The following XPNPEP1 variants were observed in gnomAD, a reference collection of about 807,000 sequenced individuals.
The protein encoded by XPNPEP1 is xaa-Pro aminopeptidase 1.
Under a neutral mutation model 92.4 loss-of-function variants are expected in XPNPEP1, and 39 were observed. That is an observed-to-expected ratio of 0.42 (90% CI 0.33 to 0.55). The LOEUF (loss-of-function observed/expected upper bound fraction) is 0.55. Ranked by LOEUF, XPNPEP1 falls within the 20% of genes least tolerant of loss-of-function variation. XPNPEP1 has a pLI of 0.08. For synonymous variants in XPNPEP1, 307 were observed against 299.4 expected (o/e 1.03, Z -0.26); for missense variants, 654 against 856.1 (o/e 0.76, Z 2.95).
chr10:109,883,926 A>C, intron 9 of XPNPEP1, 141 bp downstream of exon 9: 1 of 740,398 alleles, frequency 1.4e-6, no homozygotes, highest in Non-Finnish European at 2.2e-6. Flanking sequence ...GAAAACAAGA[A>C]GGGAAAATGT....
intron 1 of XPNPEP1, among the ~76,000 whole-genome samples, chr10:109,915,749 T>C (rs1850151626): frequency 6.6e-6 from 1 of 152,230 alleles, no homozygotes; most frequent in Admixed American, 6.5e-5. Context: ...CACACAAACT[T>C]CTTGTTCCCA....
chr10:109,889,433 C>A (rs1021481546), intron 5 of XPNPEP1, among the ~76,000 whole-genome samples: 1 of 152,140 alleles, frequency 6.6e-6, no homozygotes, highest in Non-Finnish European at 1.5e-5. Context: ...GAACTCCTGG[C>A]CTCAAGTGAT....
intron 14 of XPNPEP1, chr10:109,876,518 T>C (rs1847795557): frequency 6.6e-6 from 1 of 152,252 alleles, no homozygotes; most frequent in Non-Finnish European, 1.5e-5. Context: ...TACGGAAAAT[T>C]CTAGGATAGT....
At chr10:109,874,974 C>G (rs898281311) in intron 15 of XPNPEP1, among the ~76,000 whole-genome samples, 1 of 152,128 alleles carries the variant, frequency 6.6e-6, no homozygotes, top group African/African-American at 2.4e-5. Context: ...CTCGTGCCCT[C>G]TTAATGCAGA....
At position 109,882,628 on chromosome 10, in the gene XPNPEP1, C is replaced by T; in HGVS notation, c.845G>A (p.Gly282Asp). 2.5e-6 allele frequency: 4 copies of T among 1,614,136 alleles called. No homozygotes were observed. Among genetic ancestry groups the T allele is most frequent in the Non-Finnish European group, 3.4e-6 (4 of 1,180,004 alleles). The change falls in exon 10 of 21, where the codon GGT becomes GAT. Residue 282 changes from glycine (G) to aspartate (D), a missense_variant. Gly to Asp is a moderately conservative substitution (Grantham distance 94). Coordinates refer to ENST00000502935, the MANE Select transcript of XPNPEP1 (RefSeq NM_020383.4). ...GLETIMLFID[G>D]DRIDAPSVKE... ...CACACTGGGGGCGTCTATGCGGTCA[C>T]CATCAATGAAGAGCCTGCAGATGGA...
chr10:109,875,311 G>A (rs1847724648), intron 15 of XPNPEP1, among the ~76,000 whole-genome samples: 1 of 152,188 alleles, frequency 6.6e-6, no homozygotes, highest in Admixed American at 6.5e-5. Flanking sequence ...GCCAAGGACT[G>A]TAACATTTCT....
At chr10:109,908,306 A>C (rs1849665428) in intron 2 of XPNPEP1, among the ~76,000 whole-genome samples, 1 of 152,384 alleles carries the variant, frequency 6.6e-6, no homozygotes, top group African/African-American at 2.4e-5. Flanking sequence ...TTTGTGGGTG[A>C]TTAAAAACAG....
intron 3 of XPNPEP1, 59 bp from the exon 4 acceptor site, chr10:109,893,134 C>T: frequency 4.0e-6 from 6 of 1,518,390 alleles, no homozygotes; most frequent in Non-Finnish European, 5.5e-6. Context: ...GACTGTTCTG[C>T]CTGCTTAGCC....
At chr10:109,878,365 G>C in intron 12 of XPNPEP1, 1 of 268,708 alleles carries the variant, frequency 3.7e-6, no homozygotes, top group Non-Finnish European at 7.1e-6. Context: ...AGAAATCATC[G>C]TAAGAAAATC....
chr10:109,871,437 C>T (rs1296951028), intron 17 of XPNPEP1, among the ~76,000 whole-genome samples: 4 of 152,216 alleles, frequency 2.6e-5, no homozygotes, highest in Non-Finnish European at 5.9e-5. Flanking sequence ...CGAAAGGAAG[C>T]ACTGGCCCAG....
intron 17 of XPNPEP1, among the ~76,000 whole-genome samples, chr10:109,871,224 A>T (rs893646797): frequency 4.0e-5 from 6 of 151,844 alleles, no homozygotes; most frequent in South Asian, 2.1e-4. Context: ...CAAAGATGAG[A>T]CTCTAACCAG....
At chr10:109,908,077 CTT>C (rs1394479630) in intron 2 of XPNPEP1, among the ~76,000 whole-genome samples, 1 of 152,220 alleles carries the variant, frequency 6.6e-6, no homozygotes, top group East Asian at 1.9e-4. Context: ...CTGGTTACCT[CTT>C]TCACTCCTAG....
rs147142077 is a variant in XPNPEP1 at position 109,872,879 on chromosome 10, C to G, written c.1452+488G>C. 9.2e-5 allele frequency among the ~76,000 whole-genome samples: 14 copies of G among 152,296 alleles called. No homozygotes were observed. The East Asian group carries it at 2.7e-3, about 29-fold the overall frequency. On this transcript the variant is annotated intron_variant, in intron 16 of 20. Transcript: ENST00000502935. ...AGCTCTGAAGCCAGGTCTCCAGACC[C>G]CTAGTACACATCTCTCTGCCTCACA...
intron 1 of XPNPEP1, among the ~76,000 whole-genome samples, chr10:109,922,888 T>C (rs1360864565): frequency 6.6e-6 from 1 of 152,250 alleles, no homozygotes; most frequent in African/African-American, 2.4e-5. Context: ...ACACAGCCTC[T>C]GAAACCATTT....
At chr10:109,888,289 TC>T (rs1848510711) in intron 6 of XPNPEP1, 97 bp from the exon 7 acceptor site, 1 of 1,496,244 alleles carries the variant, frequency 6.7e-7, no homozygotes, top group East Asian at 2.4e-5. Context: ...AGAAAGGTGG[TC>T]CTGCCATGGC....
At chr10:109,865,416 A>T (rs1847083097) in intron 20 of XPNPEP1, 104 bp from the exon 21 acceptor site, 1 of 1,483,582 alleles carries the variant, frequency 6.7e-7, no homozygotes, top group South Asian at 1.2e-5. Flanking sequence ...TCACAAGCTG[A>T]GAGAAAAGGT....
chr10:109,890,193 A>G (rs1211303050), intron 5 of XPNPEP1, among the ~76,000 whole-genome samples: 1 of 152,178 alleles, frequency 6.6e-6, no homozygotes, highest in African/African-American at 2.4e-5. Flanking sequence ...ACATACCTAC[A>G]TTAAGGAACA....
chr10:109,908,966 C>CCT (rs1849707549), intron 2 of XPNPEP1, among the ~76,000 whole-genome samples: 1 of 152,092 alleles, frequency 6.6e-6, no homozygotes, highest in African/African-American at 2.4e-5. Flanking sequence ...TCTGTGTTCT[C>CCT]CTCTTTAAAG....
chr10:109,898,492 T>C (rs1408166004), intron 3 of XPNPEP1, among the ~76,000 whole-genome samples: 1 of 152,210 alleles, frequency 6.6e-6, no homozygotes, highest in Non-Finnish European at 1.5e-5. Context: ...CAGATGTGCC[T>C]TAGATCCATC....
Sources: allele counts gnomAD v4.1 joint callset (sites outside exome capture counted in the v4.1 genomes callset), GRCh38; gene constraint gnomAD v4.1.1; transcripts MANE v1.5; gene names NCBI Gene and HGNC (gene_info 2026-07-23, HGNC 2026-07-21).